The following DNAH9 variants were observed in gnomAD, a reference collection of about 807,000 sequenced individuals.
DNAH9 encodes DNAH9 variant protein.
A neutral mutation model predicts 471.6 loss-of-function variants in DNAH9; 345 were observed. The ratio of observed to expected loss-of-function variants is 0.73; its 90% CI spans 0.67 to 0.80. The LOEUF (loss-of-function observed/expected upper bound fraction) is 0.80, where lower values mean the gene tolerates loss of function less well. Ranked by LOEUF, DNAH9 falls within the 30% of genes least tolerant of loss-of-function variation. The pLI, the probability that DNAH9 is intolerant of heterozygous loss-of-function variation, is 0.00. For missense variants in DNAH9, 5,407 were observed against 5,609.2 expected (o/e 0.96, Z 1.15); for synonymous variants, 2,093 against 2,123.6 (o/e 0.99, Z 0.40).
At chr17:11,836,621 C>T (rs762544957) in intron 49 of DNAH9, among the ~76,000 whole-genome samples, 18 of 152,158 alleles carry the variant, frequency 1.2e-4, no homozygotes, top group Non-Finnish European at 2.5e-4. Context: ...ACTCTGCTCA[C>T]CTGTAGGCCT....
intron 45 of DNAH9, among the ~76,000 whole-genome samples, chr17:11,819,351 A>G (rs1567824281): frequency 6.6e-6 from 1 of 152,208 alleles, no homozygotes; most frequent in Non-Finnish European, 1.5e-5. Flanking sequence ...CAAATATTTT[A>G]GGATATATTT....
rs542651385 is a variant in DNAH9, at chr17:11,940,385, C to T, written c.12661-1918C>T. Among the ~76,000 whole-genome samples, 7 of 152,314 alleles carry T rather than the reference C, an allele frequency of 4.6e-5. No individual in the cohort carries two copies. The South Asian group carries it at 8.3e-4, about 18-fold the overall frequency. Reference sequence around the variant, plus strand: ...TGTATTTTGGAACAATACCTCCAGACGATCTTTTCGTCTCTTTGTAAATAA... The same window carrying T: ...TGTATTTTGGAACAATACCTCCAGATGATCTTTTCGTCTCTTTGTAAATAA... On this transcript the variant is annotated intron_variant, in intron 66 of 68. Coordinates refer to ENST00000262442, the MANE Select transcript of DNAH9 (RefSeq NM_001372.4).
At chr17:11,697,441 A>G (rs191074655) in intron 22 of DNAH9, among the ~76,000 whole-genome samples, 13 of 152,312 alleles carry the variant, frequency 8.5e-5, no homozygotes, top group Admixed American at 5.2e-4. Flanking sequence ...ATTTCTTTCT[A>G]TCTAGGTCCC....
chr17:11,695,287 T>C (rs2074456478), intron 22 of DNAH9, among the ~76,000 whole-genome samples: 2 of 152,114 alleles, frequency 1.3e-5, no homozygotes, highest in Admixed American at 1.3e-4. Context: ...ACTTTGAGGA[T>C]GGCAAAGGTG....
intron 63 of DNAH9, 52 bp downstream of exon 63, chr17:11,930,145 A>T: frequency 6.7e-7 from 1 of 1,483,144 alleles, no homozygotes; most frequent in Non-Finnish European, 9.3e-7. Context: ...CAGTCAGCTG[A>T]TGCAAACTGG....
intron 60 of DNAH9, among the ~76,000 whole-genome samples, chr17:11,903,467 G>A (rs181998864): frequency 1.2e-4 from 19 of 152,320 alleles, no homozygotes; most frequent in Non-Finnish European, 1.9e-4. Context: ...AATGTATTAA[G>A]TTATTGAATA....
At chr17:11,730,575 C>G (rs141698294) in intron 28 of DNAH9, among the ~76,000 whole-genome samples, 1 of 152,286 alleles carries the variant, frequency 6.6e-6, no homozygotes, top group Non-Finnish European at 1.5e-5. Context: ...AGCTGTGTGA[C>G]CTTGAGCATA....
intron 17 of DNAH9, among the ~76,000 whole-genome samples, chr17:11,676,430 G>T (rs1373404443): frequency 2.6e-5 from 4 of 151,720 alleles, no homozygotes; most frequent in African/African-American, 9.7e-5. Flanking sequence ...TTACAGGCAT[G>T]CACCACCATG....
intron 59 of DNAH9, among the ~76,000 whole-genome samples, chr17:11,895,441 A>G (rs1345682501): frequency 5.9e-5 from 9 of 152,246 alleles, no homozygotes; most frequent in Non-Finnish European, 1.3e-4. Flanking sequence ...GTATAAGAGT[A>G]AAGTAATATG....
At position 11,629,485 on chromosome 17, in the gene DNAH9, T is replaced by C; in HGVS notation, c.1419T>C (p.Asn473=). Residue 473 remains asparagine (N), a synonymous_variant, in exon 7 of 69, where the codon AAT becomes AAC. Transcript: ENST00000262442. ...GKVEFSGVRG[N]ALSQQVQQMH... ...TGGAGTTCAGCGGCGTCAGAGGGAA[T>C]GCTCTGAGTCAGCAGGTCCAGCAAA... 6.2e-7 allele frequency: 1 copy of C among 1,613,806 alleles called. No individual in the cohort carries two copies. Among genetic ancestry groups the C allele is most frequent in the Non-Finnish European group, 8.5e-7 (1 of 1,179,694 alleles).
chr17:11,965,777 A>G (rs2151456899), intron 68 of DNAH9, among the ~76,000 whole-genome samples: 1 of 152,296 alleles, frequency 6.6e-6, no homozygotes, highest in South Asian at 2.1e-4. Context: ...AAAATTATAT[A>G]TGTTTTTAAA....
chr17:11,874,831 A>C, intron 52 of DNAH9, 118 bp from the exon 53 acceptor site: 1 of 736,588 alleles, frequency 1.4e-6, no homozygotes. Flanking sequence ...GGCATTCTTC[A>C]GTGGGATGTT....
At chr17:11,764,161 T>C (rs1429293467) in intron 36 of DNAH9, among the ~76,000 whole-genome samples, 2 of 152,204 alleles carry the variant, frequency 1.3e-5, no homozygotes, top group African/African-American at 4.8e-5. Context: ...ATTTATCTTA[T>C]AGTGTTGACT....
chr17:11,625,985 A>G (rs2072961911), intron 6 of DNAH9, among the ~76,000 whole-genome samples: 1 of 152,208 alleles, frequency 6.6e-6, no homozygotes, highest in African/African-American at 2.4e-5. Flanking sequence ...TATTGTTCCC[A>G]TCTACAGGTT....
chr17:11,913,703 A>T (rs1188016060), intron 61 of DNAH9, among the ~76,000 whole-genome samples: 2 of 151,678 alleles, frequency 1.3e-5, no homozygotes, highest in Non-Finnish European at 2.9e-5. Flanking sequence ...AATGGCATGA[A>T]CCCAGGAGGT....
chr17:11,938,099 G>A (rs1974772067), intron 66 of DNAH9, among the ~76,000 whole-genome samples: 1 of 152,192 alleles, frequency 6.6e-6, no homozygotes, highest in African/African-American at 2.4e-5. Context: ...TAGAAAGGCA[G>A]ACCAGGGTGA....
intron 55 of DNAH9, chr17:11,883,201 G>A (rs1446065884): frequency 3.0e-6 from 3 of 995,010 alleles, no homozygotes; most frequent in Non-Finnish European, 3.6e-6. Context: ...GTTCATTAAA[G>A]TAAATTGGTA....
intron 49 of DNAH9, among the ~76,000 whole-genome samples, chr17:11,850,424 G>A (rs905214203): frequency 1.3e-5 from 2 of 152,154 alleles, no homozygotes; most frequent in Admixed American, 6.6e-5. Context: ...CGAGGCAGGT[G>A]GATCATTTGA....
intron 45 of DNAH9, among the ~76,000 whole-genome samples, chr17:11,812,750 C>T (rs531140280): frequency 1.3e-5 from 2 of 152,140 alleles, no homozygotes; most frequent in Non-Finnish European, 2.9e-5. Flanking sequence ...ACTCTTACAC[C>T]TTTTCTCCTC....
Sources: gnomAD v4.1 joint callset for allele counts (sites outside exome capture counted in the v4.1 genomes callset) on GRCh38, gnomAD v4.1.1 for gene constraint, MANE v1.5 for transcripts, NCBI Gene and HGNC (gene_info 2026-07-23, HGNC 2026-07-21) for gene names.